Variants in PDE4B observed in about 807,000 individuals in gnomAD.
PDE4B encodes phosphodiesterase 4B, also known as 3',5'-cyclic-AMP phosphodiesterase 4B.
Under a neutral mutation model 82.2 loss-of-function variants are expected in PDE4B, and 20 were observed. The ratio of observed to expected loss-of-function variants is 0.24; its 90% confidence interval spans 0.17 to 0.35. The LOEUF (loss-of-function observed/expected upper bound fraction) is 0.35, where lower values mean the gene tolerates loss of function less well. Ranked by LOEUF, PDE4B falls within the 10% of genes least tolerant of loss-of-function variation. The pLI, the probability that PDE4B is intolerant of heterozygous loss-of-function variation, is 1.00. For missense variants in PDE4B, 655 were observed against 907.2 expected, an observed-to-expected ratio of 0.72 and a Z score of 3.57; for synonymous variants, 320 against 318.9, an observed-to-expected ratio of 1.00 and a Z score of -0.04.
At chr1:65,799,282 AG>A (rs1645668284) in intron 1 of PDE4B, among the ~76,000 whole-genome samples, 1 of 152,196 alleles carries the variant, frequency 6.6e-6, no homozygotes, top group Non-Finnish European at 1.5e-5. Flanking sequence ...GTTTATTCTG[AG>A]TTCTTAGAAT....
chr1:66,059,401 C>A (rs987061459), intron 3 of PDE4B, among the ~76,000 whole-genome samples: 1 of 152,322 alleles, frequency 6.6e-6, no homozygotes, highest in South Asian at 2.1e-4. Flanking sequence ...CAGCAGCCCC[C>A]CACTCTACTG....
At chr1:66,004,438 A>G (rs574642196) in intron 3 of PDE4B, among the ~76,000 whole-genome samples, 3 of 152,134 alleles carry the variant, frequency 2.0e-5, no homozygotes, top group African/African-American at 7.2e-5. Flanking sequence ...TTACCACAAT[A>G]AAATAAAAAG....
intron 3 of PDE4B, among the ~76,000 whole-genome samples, chr1:66,047,978 A>AGCAT (rs1654805990): frequency 6.6e-6 from 1 of 151,906 alleles, no homozygotes; most frequent in Non-Finnish European, 1.5e-5. Context: ...ATTTCCACAG[A>AGCAT]GCATGCATAC....
intron 12 of PDE4B, among the ~76,000 whole-genome samples, chr1:66,364,209 CTCTATATT>C (rs1663048853): frequency 6.6e-6 from 1 of 152,124 alleles, no homozygotes; most frequent in Non-Finnish European, 1.5e-5. Flanking sequence ...ATAAAATACT[CTCTATATT>C]TCTTATTAGT....
At chr1:66,139,735 C>CAAAAAAAAAA (rs10654385) in intron 3 of PDE4B, among the ~76,000 whole-genome samples, 10 of 100,022 alleles carry the variant, frequency 1.0e-4, no homozygotes, top group East Asian at 2.4e-4. Context: ...CCTCCCCCCT[C>CAAAAAAAAAA]AAAAAAAAAA....
At chr1:65,911,644 A>C (rs2100453882) in intron 1 of PDE4B, among the ~76,000 whole-genome samples, 1 of 152,196 alleles carries the variant, frequency 6.6e-6, no homozygotes, top group Middle Eastern at 3.4e-3. Flanking sequence ...AAAAGTATTA[A>C]AATTCTGCCT....
chr1:66,268,449 C>T (rs1482137755), intron 7 of PDE4B, among the ~76,000 whole-genome samples: 1 of 152,006 alleles, frequency 6.6e-6, no homozygotes. Flanking sequence ...GCGGACGGAT[C>T]ACGAGGTCAG....
intron 7 of PDE4B, among the ~76,000 whole-genome samples, chr1:66,297,908 A>G (rs769173717): frequency 2.6e-5 from 4 of 152,128 alleles, no homozygotes; most frequent in Non-Finnish European, 5.9e-5. Flanking sequence ...TTAGTCCATT[A>G]TGGTTGCTTA....
intron 3 of PDE4B, among the ~76,000 whole-genome samples, chr1:66,219,069 T>C (rs1318196072): frequency 1.3e-5 from 2 of 152,170 alleles, no homozygotes; most frequent in Non-Finnish European, 2.9e-5. Flanking sequence ...TATATAAATA[T>C]GTAGGGGTCC....
chr1:65,985,736 A>AAATACT (rs1650923573), intron 3 of PDE4B, among the ~76,000 whole-genome samples: 2 of 152,158 alleles, frequency 1.3e-5, no homozygotes. Flanking sequence ...TAGGGAAGAA[A>AAATACT]GAGAGGAACT....
chr1:66,079,196 C>CTCTG (rs1553142406), intron 3 of PDE4B, among the ~76,000 whole-genome samples: 1,588 of 136,948 alleles, frequency 0.012, 30 homozygotes, highest in African/African-American at 0.036. Context: ...CTCTCTCTCT[C>CTCTG]TCTCTGTCTC....
chr1:66,055,211 G>A (rs1370077392), intron 3 of PDE4B, among the ~76,000 whole-genome samples: 1 of 152,218 alleles, frequency 6.6e-6, no homozygotes, highest in Non-Finnish European at 1.5e-5. Flanking sequence ...TTTGAAGGCA[G>A]TGTTCTTAAA....
In PDE4B at chr1:66,363,582, A is replaced by G. The variant is rs372142232; in HGVS notation, c.1284+11A>G. The G allele has an allele frequency of 1.7e-5, 27 of 1,603,244 alleles. No individual in the cohort carries two copies. The highest frequency in any genetic ancestry group is 2.3e-5 in the Non-Finnish European group (27 of 1,174,222). On this transcript the variant is annotated intron_variant, in intron 12 of 16. Transcript: ENST00000341517. Reference sequence around the variant, plus strand: ...ACACCAGCATTAGACGTGAGTAATTATGACCTGTTTTGCATTCCTGCCCAT... The same window carrying G: ...ACACCAGCATTAGACGTGAGTAATTGTGACCTGTTTTGCATTCCTGCCCAT...
intron 8 of PDE4B, among the ~76,000 whole-genome samples, chr1:66,335,093 C>T (rs1227949821): frequency 1.3e-5 from 2 of 152,214 alleles, no homozygotes; most frequent in Non-Finnish European, 2.9e-5. Flanking sequence ...GATCATCACT[C>T]CCTTTACTAT....
At chr1:65,909,741 A>G (rs879482127) in intron 1 of PDE4B, among the ~76,000 whole-genome samples, 1 of 152,194 alleles carries the variant, frequency 6.6e-6, no homozygotes, top group Non-Finnish European at 1.5e-5. Flanking sequence ...AAATTTTATA[A>G]GGGACAGTAA....
At chr1:66,009,917 C>CTATT (rs1488608406) in intron 3 of PDE4B, among the ~76,000 whole-genome samples, 13 of 145,126 alleles carry the variant, frequency 9.0e-5, no homozygotes, top group South Asian at 4.3e-4. Context: ...ATCTATCTAT[C>CTATT]TATCTATCTA....
intron 3 of PDE4B, among the ~76,000 whole-genome samples, chr1:66,016,923 G>A (rs917618779): frequency 2.6e-5 from 4 of 152,122 alleles, no homozygotes; most frequent in Non-Finnish European, 5.9e-5. Flanking sequence ...GTTTTCTAAG[G>A]GAGAAGAATA....
At chr1:66,351,948 A>G (rs1220259067) in intron 8 of PDE4B, among the ~76,000 whole-genome samples, 1 of 152,168 alleles carries the variant, frequency 6.6e-6, no homozygotes, top group Non-Finnish European at 1.5e-5. Flanking sequence ...GACTCTACAT[A>G]TACTAGAATG....
At chr1:66,083,594 C>G (rs752702025) in intron 3 of PDE4B, among the ~76,000 whole-genome samples, 5 of 152,120 alleles carry the variant, frequency 3.3e-5, no homozygotes, top group Admixed American at 6.6e-5. Context: ...AAATCCATGT[C>G]TGTTTCATCT....
Sources: gnomAD v4.1 joint callset for allele counts (sites outside exome capture counted in the v4.1 genomes callset) on GRCh38, gnomAD v4.1.1 for gene constraint, MANE v1.5 for transcripts, NCBI Gene and HGNC (gene_info 2026-07-23, HGNC 2026-07-21) for gene names.